Variants in PDGFA observed in about 807,000 individuals in gnomAD.
The protein encoded by PDGFA is platelet derived growth factor subunit A, also known as platelet-derived growth factor subunit A.
A neutral mutation model predicts 25.6 loss-of-function variants in PDGFA; 9 were observed. The ratio of observed to expected loss-of-function variants is 0.35; its 90% CI spans 0.21 to 0.61. The LOEUF (loss-of-function observed/expected upper bound fraction) is 0.61. PDGFA is among the 20% of genes least tolerant of loss of function. PDGFA has a pLI of 0.75. For synonymous variants in PDGFA, 133 were observed against 111.8 expected (o/e 1.19, Z -1.20); for missense variants, 242 against 272.8 (o/e 0.89, Z 0.79).
intron 4 of PDGFA, among the ~76,000 whole-genome samples, chr7:504,793 C>A (rs976401604): frequency 1.3e-5 from 2 of 152,232 alleles, no homozygotes; most frequent in Non-Finnish European, 2.9e-5. Flanking sequence ...GATACCAGGG[C>A]CTGGCTCGGC....
In PDGFA at chr7:517,567, G is replaced by T; in HGVS notation, c.64-77C>A. 2.2e-6 allele frequency: 1 copy of T among 459,532 alleles called. No individual in the cohort carries two copies. The highest frequency in any genetic ancestry group is 2.9e-6 in the Non-Finnish European group (1 of 343,018). 28.5% of individuals were successfully genotyped at this position (459,532 alleles called of 1,614,324 possible). On this transcript the variant is annotated intron_variant, in intron 1 of 5. Transcript: ENST00000402802. The surrounding 1 kb of genome is among the most constrained non-coding windows in gnomAD (Gnocchi z 7.4). ...CGCGCCCCCGGCCGCCAGGAGCGCC[G>T]CCGCCCCGGGCCCGAGGAGACCCCG... is the stretch of plus-strand genomic sequence containing the variant.
chr7:500,642 C>A lies in PDGFA; in HGVS notation c.580+474G>T. Reference sequence around the variant, plus strand: ...TGGCACCGAGAAACTTCTGAGTCCCCTCATGCTCCCAGGGCCCAGCCATAG... The same window carrying A: ...TGGCACCGAGAAACTTCTGAGTCCCATCATGCTCCCAGGGCCCAGCCATAG... On this transcript the variant is annotated intron_variant, in intron 5 of 5. Transcript: ENST00000402802. The surrounding 1 kb of genome is among the most constrained non-coding windows in gnomAD (Gnocchi z 5.0). The A allele has an allele frequency of 6.7e-7, 1 of 1,485,596 alleles. No homozygotes were observed. The highest frequency in any genetic ancestry group is 1.3e-5 in the South Asian group (1 of 74,920). The allele number at this position is 1,485,596 out of a possible 1,614,324, so 92.0% of individuals were successfully genotyped here.
upstream of PDGFA, chr7:519,533 G>C (rs1178829748): frequency 6.7e-6 from 1 of 148,826 alleles, no homozygotes; most frequent in East Asian, 2.0e-4. Flanking sequence ...CCGGCCCCGC[G>C]CTCGCCTCCG....
chr7:499,205 C>T lies in PDGFA; in HGVS notation c.581-631G>A, dbSNP rs527290055. 3.9e-5 allele frequency among the ~76,000 whole-genome samples: 6 copies of T among 152,332 alleles called. No homozygotes were observed. The East Asian group carries it at 1.2e-3, about 29-fold the overall frequency. On this transcript the variant is annotated intron_variant, in intron 5 of 5. Transcript: ENST00000402802. ...CCTAACGCTCTGTAGAAATGGGACC[C>T]ACAGGCAGGCACAAAACCACCCACC... is the stretch of plus-strand genomic sequence containing the variant.
chr7:506,175 C>CAAAAAAAAAAA lies in PDGFA; in HGVS notation c.453+4623_453+4633dup, dbSNP rs34159199. Among the ~76,000 whole-genome samples, 332 of 107,190 alleles carry CAAAAAAAAAAA rather than the reference C, an allele frequency of 3.1e-3. 7 individuals carry two copies. Among genetic ancestry groups the CAAAAAAAAAAA allele is most frequent in the South Asian group, 0.022 (59 of 2,730 alleles). The allele number at this position is 107,190 out of a possible 152,430, so 70.3% of individuals were successfully genotyped here. On this transcript the variant is annotated intron_variant, in intron 4 of 5. Transcript: ENST00000402802. ...TGGGCAACAGAGTGAGACTCTGTCT[C>CAAAAAAAAAAA]AAAAAAAAAAAAAAAATCCCTCAAG...
upstream of PDGFA, chr7:520,016 G>T (rs1242852489): frequency 2.6e-6 from 1 of 384,410 alleles, no homozygotes; most frequent in Non-Finnish European, 5.2e-6. Context: ...CGCCGCCGCG[G>T]CAGGGAGCAC....
upstream of PDGFA, chr7:520,354 G>A (rs944638827): frequency 1.1e-4 from 18 of 168,230 alleles, no homozygotes; most frequent in African/African-American, 3.4e-4. Flanking sequence ...AGGAGGGGGA[G>A]TCAGTCTTTG....
rs150215371 is a variant in PDGFA, at chr7:500,239, C to G, written c.580+877G>C. On this transcript the variant is annotated intron_variant, in intron 5 of 5. Coordinates refer to ENST00000402802, the Ensembl canonical transcript of PDGFA. This position sits in a 1 kb window ranked among gnomAD's most constrained non-coding sequence, Gnocchi z 5.0. ...CAGGCTCCCAAGCGGGAGTGAGCCA[C>G]GGGCCAGGGCGTTCTGCGAGGCAGG... Among the ~76,000 whole-genome samples the G allele has an allele frequency of 6.2e-3, 937 of 152,312 alleles. 12 individuals are homozygous for G. Among genetic ancestry groups the G allele is most frequent in the South Asian group, 0.042 (204 of 4,832 alleles).
chr7:497,338 A>C (rs1167330982), exon 6 of PDGFA: 2 of 152,176 alleles, frequency 1.3e-5, no homozygotes, highest in Non-Finnish European at 2.9e-5. Flanking sequence ...CAAAACAGGT[A>C]ATATTAGGTA....
At chr7:512,758 T>C in intron 2 of PDGFA, 1 of 1,004,244 alleles carries the variant, frequency 1.0e-6, no homozygotes, top group Non-Finnish European at 1.3e-6. Context: ...AGGTTGCAGG[T>C]GGTCTCCCCT....
exon 6 of PDGFA, chr7:497,959 C>CAAAAAAAAAAAAAAAAAAAAAA (rs1166606050): frequency 1.2e-4 from 7 of 56,684 alleles, no homozygotes; most frequent in African/African-American, 1.5e-4. Context: ...AAAAAAAAAA[C>CAAAAAAAAAAAAAAAAAAAAAA]AAAAAAAAAA....
intron 2 of PDGFA, among the ~76,000 whole-genome samples, chr7:514,719 C>T (rs1328063737): frequency 1.3e-5 from 2 of 152,246 alleles, no homozygotes; most frequent in Non-Finnish European, 2.9e-5. Context: ...CAATGAACCA[C>T]GGGCGCCAGG....
At chr7:520,528 C>T (rs970332447), upstream of PDGFA, 8 of 152,512 alleles carry the variant, frequency 5.2e-5, no homozygotes, top group African/African-American at 1.7e-4. Flanking sequence ...CGTCCCCACC[C>T]TGGGACCCCG....
chr7:516,163 T>TC (rs1274744821), intron 2 of PDGFA, among the ~76,000 whole-genome samples: 2 of 131,756 alleles, frequency 1.5e-5, no homozygotes, highest in South Asian at 5.0e-4. Flanking sequence ...CCGGTCAAAA[T>TC]CCCCCCGCCC....
intron 2 of PDGFA, chr7:512,821 G>A (rs1782924314): frequency 5.0e-6 from 2 of 397,526 alleles, no homozygotes; most frequent in African/African-American, 4.2e-5. Flanking sequence ...GGCAGGAGGG[G>A]CCTGAGGCCG....
chr7:505,805 A>T (rs555015501), intron 4 of PDGFA, among the ~76,000 whole-genome samples: 3 of 151,970 alleles, frequency 2.0e-5, no homozygotes, highest in Admixed American at 1.3e-4. Flanking sequence ...CCCTGGCCCC[A>T]CCGCCCCACA....
At chr7:520,167 G>A, upstream of PDGFA, 1 of 265,206 alleles carries the variant, frequency 3.8e-6, no homozygotes, top group South Asian at 3.0e-5. Flanking sequence ...GGAGGAGGCC[G>A]CCGCAGAAGC....
chr7:506,710 G>T (rs1782579159), intron 4 of PDGFA, among the ~76,000 whole-genome samples: 1 of 152,120 alleles, frequency 6.6e-6, no homozygotes, highest in Non-Finnish European at 1.5e-5. Context: ...GGGCGTCCAG[G>T]CACCAAGAGC....
At chr7:498,955 C>T (rs1200137565) in intron 5 of PDGFA, among the ~76,000 whole-genome samples, 1 of 152,200 alleles carries the variant, frequency 6.6e-6, no homozygotes, top group Non-Finnish European at 1.5e-5. Flanking sequence ...CATGAGACAA[C>T]CCTGAGGATG....
Sources: allele counts gnomAD v4.1 joint callset (sites outside exome capture counted in the v4.1 genomes callset), GRCh38; gene constraint gnomAD v4.1.1; non-coding constraint Gnocchi (gnomAD v3.1); transcripts MANE v1.5; gene names NCBI Gene and HGNC (gene_info 2026-07-23, HGNC 2026-07-21).